Variants in KCNN2 observed in about 807,000 individuals in gnomAD.
The protein encoded by KCNN2 is potassium calcium-activated channel subfamily N member 2, also known as small conductance calcium-activated potassium channel protein 2.
Under a neutral mutation model 55.5 loss-of-function variants are expected in KCNN2, and 24 were observed. The ratio of observed to expected loss-of-function variants is 0.43; its 90% CI spans 0.31 to 0.61. The LOEUF (loss-of-function observed/expected upper bound fraction) is 0.61, where lower values mean the gene tolerates loss of function less well. Ranked by LOEUF, KCNN2 falls within the 20% of genes least tolerant of loss-of-function variation. The pLI is 0.08. For synonymous variants in KCNN2, 431 were observed against 336.1 expected (o/e 1.28, Z -3.09); for missense variants, 754 against 853.6 (o/e 0.88, Z 1.45).
At chr5:114,100,047 A>G (rs1338694716) in intron 1 of KCNN2, among the ~76,000 whole-genome samples, 3 of 152,034 alleles carry the variant, frequency 2.0e-5, no homozygotes, top group Non-Finnish European at 2.9e-5. Flanking sequence ...ATAAATCTCA[A>G]TCTTATAGAT....
chr5:114,412,706 C>T (rs1388581183), intron 3 of KCNN2, among the ~76,000 whole-genome samples: 1 of 152,186 alleles, frequency 6.6e-6, no homozygotes, highest in Admixed American at 6.5e-5. Context: ...AGAGGCCTAG[C>T]CTACTCCTTT....
chr5:114,439,454 A>G (rs1466877501), intron 3 of KCNN2, among the ~76,000 whole-genome samples: 1 of 152,174 alleles, frequency 6.6e-6, no homozygotes, highest in African/African-American at 2.4e-5. Flanking sequence ...ATTGTACTCC[A>G]TTCTGTTTTA....
rs574480530 is a variant in KCNN2, at chr5:114,438,848, T to TA, written c.1638-24200dup. Among the ~76,000 whole-genome samples the TA allele has an allele frequency of 8.1e-4, 123 of 152,330 alleles. No individual in the cohort carries two copies. The South Asian group carries it at 0.01, about 13-fold the overall frequency. The stretch of plus-strand genomic sequence containing the variant: ...CTGGACAACTAAAGCTGCAAAACCC[T>TA]ATGTTAGAGAATCTCTTTCTACAGA... On this transcript the variant is annotated intron_variant, in intron 3 of 7. Transcript: ENST00000673685.
intron 1 of KCNN2, among the ~76,000 whole-genome samples, chr5:114,070,988 T>C (rs1750556963): frequency 1.3e-5 from 2 of 152,224 alleles, no homozygotes; most frequent in Admixed American, 1.3e-4. Context: ...TGGCTACTTT[T>C]TAATATTAGC....
chr5:114,097,863 T>C (rs1561474373), intron 1 of KCNN2, among the ~76,000 whole-genome samples: 1 of 152,202 alleles, frequency 6.6e-6, no homozygotes. Context: ...TCCAGTGTCC[T>C]AAGCTTCCTT....
At chr5:114,310,603 TA>T (rs1397988598) in intron 2 of KCNN2, among the ~76,000 whole-genome samples, 9 of 152,138 alleles carry the variant, frequency 5.9e-5, no homozygotes. Context: ...TGACCATTTT[TA>T]AAATATGTTC....
At chr5:114,338,520 A>T (rs1034834037) in intron 2 of KCNN2, among the ~76,000 whole-genome samples, 1 of 152,220 alleles carries the variant, frequency 6.6e-6, no homozygotes, top group Non-Finnish European at 1.5e-5. Context: ...GTTGAAACTT[A>T]GAAAAAGTAA....
At chr5:114,231,479 A>G (rs1227515887) in intron 2 of KCNN2, among the ~76,000 whole-genome samples, 12 of 149,972 alleles carry the variant, frequency 8.0e-5, no homozygotes, top group Non-Finnish European at 5.9e-5. Flanking sequence ...TAAGGAAGGG[A>G]TCCAGTTTCA....
intron 2 of KCNN2, among the ~76,000 whole-genome samples, chr5:114,248,482 G>A (rs1320322348): frequency 2.6e-5 from 4 of 151,952 alleles, no homozygotes. Context: ...ATATCTGAAA[G>A]AGGCAGAGAG....
At position 114,076,494 on chromosome 5, in the gene KCNN2, A is replaced by G. The variant is rs185522198; in HGVS notation, c.-271+19994A>G. Reference sequence around the variant, plus strand: ...ATCATGTATTTCAACTCTTCATTTTATAAAAGGATCCTTACACAAAAAACT... The same window carrying G: ...ATCATGTATTTCAACTCTTCATTTTGTAAAAGGATCCTTACACAAAAAACT... On this transcript the variant is annotated intron_variant, in intron 1 of 10. Transcript: ENST00000512097. Among the ~76,000 whole-genome samples the G allele has an allele frequency of 1.1e-3, 173 of 152,354 alleles. 1 individual carries two copies. Among genetic ancestry groups the G allele is most frequent in the African/African-American group, 4.1e-3 (171 of 41,594 alleles).
chr5:114,150,060 C>G (rs1429746287), intron 1 of KCNN2, among the ~76,000 whole-genome samples: 3 of 152,150 alleles, frequency 2.0e-5, no homozygotes, highest in African/African-American at 7.2e-5. Context: ...ACTGCATGTC[C>G]GTTCATAGGC....
At chr5:114,234,065 A>G (rs1754421916) in intron 2 of KCNN2, among the ~76,000 whole-genome samples, 1 of 150,780 alleles carries the variant, frequency 6.6e-6, no homozygotes, top group South Asian at 2.1e-4. Context: ...TATATCATTC[A>G]TTTGATTTTT....
chr5:114,215,876 C>A (rs538213508), intron 1 of KCNN2, among the ~76,000 whole-genome samples: 2 of 152,068 alleles, frequency 1.3e-5, no homozygotes, highest in South Asian at 4.1e-4. Flanking sequence ...GTTTTTAGTA[C>A]CTAGAATAAG....
At chr5:114,276,483 T>C (rs1755490282) in intron 2 of KCNN2, among the ~76,000 whole-genome samples, 1 of 152,176 alleles carries the variant, frequency 6.6e-6, no homozygotes, top group Non-Finnish European at 1.5e-5. Context: ...TTTAGGTCTC[T>C]AAGAATTTGC....
chr5:114,340,159 A>C (rs908208996), intron 2 of KCNN2, among the ~76,000 whole-genome samples: 7 of 152,214 alleles, frequency 4.6e-5, no homozygotes, highest in Non-Finnish European at 1.0e-4. Flanking sequence ...TAAAAATTTT[A>C]ATTGAGTCTA....
chr5:114,394,275 T>C (rs958667344), intron 2 of KCNN2, among the ~76,000 whole-genome samples: 1 of 152,186 alleles, frequency 6.6e-6, no homozygotes, highest in East Asian at 1.9e-4. Flanking sequence ...TTAAGAGCCA[T>C]TTTCATCTCA....
At chr5:114,468,718 A>C (rs1761567447) in intron 4 of KCNN2, among the ~76,000 whole-genome samples, 1 of 152,218 alleles carries the variant, frequency 6.6e-6, no homozygotes, top group Non-Finnish European at 1.5e-5. Flanking sequence ...TAAAAAGTAT[A>C]AATTTCATTA....
intron 3 of KCNN2, among the ~76,000 whole-genome samples, chr5:114,424,351 T>C (rs948127197): frequency 6.6e-6 from 1 of 152,196 alleles, no homozygotes; most frequent in African/African-American, 2.4e-5. Flanking sequence ...ACACCTTTTC[T>C]TAGCTATACT....
chr5:114,056,842 C>T (rs1247328357), intron 1 of KCNN2, among the ~76,000 whole-genome samples: 1 of 152,122 alleles, frequency 6.6e-6, no homozygotes, highest in Non-Finnish European at 1.5e-5. Context: ...TTTGCCATCC[C>T]TCTTTGGAAC....
Sources: gnomAD v4.1 joint callset for allele counts (sites outside exome capture counted in the v4.1 genomes callset) on GRCh38, gnomAD v4.1.1 for gene constraint, MANE v1.5 for transcripts, NCBI Gene and HGNC (gene_info 2026-07-23, HGNC 2026-07-21) for gene names.